The following ZNF536 variants were observed in gnomAD, a reference collection of about 807,000 sequenced individuals.
ZNF536 encodes zinc finger protein 536.
A neutral mutation model predicts 84.5 loss-of-function variants in ZNF536; 13 were observed. The observed-to-expected ratio is 0.15, with a 90% CI of 0.10 to 0.24. The LOEUF is 0.24. ZNF536 is among the 10% of genes least tolerant of loss of function. The pLI is 1.00. For synonymous variants in ZNF536, 811 were observed against 742.5 expected, an observed-to-expected ratio of 1.09 and a Z score of -1.50; for missense variants, 1,536 against 1,747.5, an observed-to-expected ratio of 0.88 and a Z score of 2.16.
intron 1 of ZNF536, among the ~76,000 whole-genome samples, chr19:30,567,924 C>G (rs1434902452): frequency 6.6e-6 from 1 of 152,160 alleles, no homozygotes; most frequent in Non-Finnish European, 1.5e-5. Context: ...GAGGCTGTCA[C>G]TCCCCGATAG....
chr19:30,431,814 C>T (rs1195073104), intron 1 of ZNF536, among the ~76,000 whole-genome samples: 1 of 152,080 alleles, frequency 6.6e-6, no homozygotes, highest in Non-Finnish European at 1.5e-5. Context: ...AGGCTGGTGC[C>T]AGGAGCCAAG....
chr19:30,616,352 T>G (rs1017143824), intron 1 of ZNF536, among the ~76,000 whole-genome samples: 10 of 152,242 alleles, frequency 6.6e-5, no homozygotes, highest in African/African-American at 2.2e-4. Context: ...GATTGTTTAT[T>G]TGTTTTAATC....
intron 2 of ZNF536, among the ~76,000 whole-genome samples, chr19:30,508,801 C>G (rs1225124360): frequency 7.7e-6 from 1 of 129,086 alleles, no homozygotes; most frequent in Non-Finnish European, 1.7e-5. Flanking sequence ...TGGTTCTTTT[C>G]TCTTTTCTTT....
intron 3 of ZNF536, among the ~76,000 whole-genome samples, chr19:30,365,128 C>A (rs561675122): frequency 6.6e-6 from 1 of 152,198 alleles, no homozygotes; most frequent in African/African-American, 2.4e-5. Flanking sequence ...GAAATGAACA[C>A]GTAATTATCT....
intron 1 of ZNF536, among the ~76,000 whole-genome samples, chr19:30,670,981 CTCAGGCT>C (rs1243423043): frequency 6.6e-6 from 1 of 152,210 alleles, no homozygotes; most frequent in East Asian, 1.9e-4. Flanking sequence ...AGGGCCCAGC[CTCAGGCT>C]TCCCCTGAGA....
At chr19:30,470,774 C>A (rs980409285) in intron 2 of ZNF536, among the ~76,000 whole-genome samples, 4 of 151,104 alleles carry the variant, frequency 2.6e-5, no homozygotes, top group African/African-American at 9.7e-5. Context: ...CAGCCTCCAC[C>A]TCCCTGGTTC....
At chr19:30,544,154 C>T (rs891866251) in intron 3 of ZNF536, among the ~76,000 whole-genome samples, 2 of 152,168 alleles carry the variant, frequency 1.3e-5, no homozygotes, top group Non-Finnish European at 2.9e-5. Flanking sequence ...GAGCACTTAA[C>T]TGAGGAACTG....
intron 2 of ZNF536, among the ~76,000 whole-genome samples, chr19:30,345,176 G>C (rs1270735364): frequency 6.6e-6 from 1 of 152,198 alleles, no homozygotes; most frequent in Non-Finnish European, 1.5e-5. Context: ...AGGAAACTGG[G>C]GCCGGAGAGG....
chr19:30,504,106 G>A (rs2055061186), intron 2 of ZNF536, among the ~76,000 whole-genome samples: 1 of 151,998 alleles, frequency 6.6e-6, no homozygotes, highest in African/African-American at 2.4e-5. Flanking sequence ...GGCCACTTAG[G>A]AGCTCTTATT....
At chr19:30,259,101 A>G (rs1374573032) in intron 1 of ZNF536, among the ~76,000 whole-genome samples, 2 of 152,190 alleles carry the variant, frequency 1.3e-5, no homozygotes, top group African/African-American at 4.8e-5. Context: ...ACCTAAGAGA[A>G]GCCTGTAGCA....
intron 2 of ZNF536, among the ~76,000 whole-genome samples, chr19:30,330,541 G>C (rs920620925): frequency 6.6e-6 from 1 of 152,148 alleles, no homozygotes; most frequent in African/African-American, 2.4e-5. Flanking sequence ...ATTTAGAAAA[G>C]GTTACATTGC....
At chr19:30,427,471 G>T (rs1243789108) in intron 1 of ZNF536, among the ~76,000 whole-genome samples, 1 of 152,194 alleles carries the variant, frequency 6.6e-6, no homozygotes, top group Non-Finnish European at 1.5e-5. Flanking sequence ...TCCCAAGGGT[G>T]CAGGGGACAG....
chr19:30,428,148 T>C (rs1454246138), intron 1 of ZNF536, among the ~76,000 whole-genome samples: 1 of 152,222 alleles, frequency 6.6e-6, no homozygotes, highest in Non-Finnish European at 1.5e-5. Flanking sequence ...TGCCTCTGAA[T>C]GCTGGTCTTC....
chr19:30,634,803 T>C (rs1346438175), intron 1 of ZNF536, among the ~76,000 whole-genome samples: 1 of 151,964 alleles, frequency 6.6e-6, no homozygotes, highest in African/African-American at 2.4e-5. Context: ...TGGCTGCATC[T>C]CCAGACCCCC....
chr19:30,450,325 G>C (rs184705715), intron 2 of ZNF536, among the ~76,000 whole-genome samples: 511 of 152,260 alleles, frequency 3.4e-3, no homozygotes, highest in Middle Eastern at 0.024. Context: ...GGGCTGGAGG[G>C]GGGGAGAGGG....
chr19:30,348,581 A>G (rs2047823508), intron 2 of ZNF536, among the ~76,000 whole-genome samples: 1 of 152,166 alleles, frequency 6.6e-6, no homozygotes, highest in South Asian at 2.1e-4. Flanking sequence ...GAGGACTGGC[A>G]GAATCCTCCA....
chr19:30,606,832 C>T (rs12461628), intron 1 of ZNF536, among the ~76,000 whole-genome samples: 2,306 of 152,200 alleles, frequency 0.015, 88 homozygotes, highest in Admixed American at 0.088. Context: ...GTAAAGAGGG[C>T]TACATCATGA....
At chr19:30,663,946 TC>T (rs1404664036) in intron 1 of ZNF536, among the ~76,000 whole-genome samples, 1 of 152,222 alleles carries the variant, frequency 6.6e-6, no homozygotes. Context: ...AGGTTTACCG[TC>T]CTAGGTCAAG....
chr19:30,419,481 C>T (rs1221778748), intron 1 of ZNF536, among the ~76,000 whole-genome samples: 1 of 152,146 alleles, frequency 6.6e-6, no homozygotes, highest in East Asian at 1.9e-4. Context: ...CCTAAGAATG[C>T]CCTTTCTCTG....
Sources: allele counts gnomAD v4.1 joint callset (sites outside exome capture counted in the v4.1 genomes callset), GRCh38; gene constraint gnomAD v4.1.1; transcripts MANE v1.5; gene names NCBI Gene and HGNC (gene_info 2026-07-23, HGNC 2026-07-21).